The following ZSWIM3 variants were observed in gnomAD, a reference collection of about 807,000 sequenced individuals.
ZSWIM3 encodes zinc finger SWIM domain-containing protein 3.
Under a neutral mutation model 47.5 loss-of-function variants are expected in ZSWIM3, and 27 were observed. The observed-to-expected ratio is 0.57, with a 90% CI of 0.42 to 0.78. The LOEUF is 0.78. ZSWIM3 is among the 30% of genes least tolerant of loss of function. ZSWIM3 has a pLI of 0.00. For synonymous variants in ZSWIM3, 333 were observed against 333.9 expected (o/e 1.00, Z 0.03); for missense variants, 689 against 861.3 (o/e 0.80, Z 2.50).
chr20:45,876,130 C>T (rs1162729077), intron 1 of ZSWIM3, among the ~76,000 whole-genome samples: 4 of 151,468 alleles, frequency 2.6e-5, no homozygotes, highest in African/African-American at 9.7e-5. Flanking sequence ...GCAGCCTCCG[C>T]CTCCCGGGTT....
intron 1 of ZSWIM3, among the ~76,000 whole-genome samples, chr20:45,870,312 C>A (rs1985944810): frequency 6.6e-6 from 1 of 151,240 alleles, no homozygotes; most frequent in African/African-American, 2.4e-5. Flanking sequence ...TGCATTCCAA[C>A]CTGGGTGACA....
intron 1 of ZSWIM3, among the ~76,000 whole-genome samples, chr20:45,869,021 T>C (rs1985907587): frequency 1.3e-5 from 2 of 151,670 alleles, no homozygotes; most frequent in South Asian, 4.2e-4. Flanking sequence ...AGGCTGGTCT[T>C]GAACTCCTGA....
At chr20:45,870,385 G>C (rs1304285306) in intron 1 of ZSWIM3, among the ~76,000 whole-genome samples, 2 of 151,392 alleles carry the variant, frequency 1.3e-5, no homozygotes, top group Admixed American at 1.3e-4. Context: ...TTCCTGTCAT[G>C]TTTCTTTGTC....
chr20:45,876,047 G>T (rs1202182263), intron 1 of ZSWIM3, among the ~76,000 whole-genome samples: 3 of 150,390 alleles, frequency 2.0e-5, no homozygotes, highest in African/African-American at 7.4e-5. Context: ...TTGTTTTTTT[G>T]TTTTTTTGTT....
At chr20:45,870,199 G>A (rs952746396) in intron 1 of ZSWIM3, among the ~76,000 whole-genome samples, 4 of 151,784 alleles carry the variant, frequency 2.6e-5, no homozygotes, top group Admixed American at 6.6e-5. Context: ...AAAATTAGCC[G>A]GGCACGGTAG....
intron 1 of ZSWIM3, among the ~76,000 whole-genome samples, chr20:45,858,271 T>G (rs1432341456): frequency 6.6e-6 from 1 of 152,264 alleles, no homozygotes; most frequent in Non-Finnish European, 1.5e-5. Flanking sequence ...ATACAAAGTA[T>G]GGCTTTCATA....
intron 1 of ZSWIM3, among the ~76,000 whole-genome samples, chr20:45,875,321 C>A (rs1047216983): frequency 6.6e-6 from 1 of 151,902 alleles, no homozygotes; most frequent in African/African-American, 2.4e-5. Context: ...GGATTACAGG[C>A]GTGAGCCACT....
intron 1 of ZSWIM3, among the ~76,000 whole-genome samples, chr20:45,871,636 T>A (rs959065349): frequency 6.7e-6 from 1 of 150,082 alleles, no homozygotes; most frequent in African/African-American, 2.5e-5. Context: ...GTCTCTACTC[T>A]CAAAGTCTAG....
At position 45,878,629 on chromosome 20, in the gene ZSWIM3, A is replaced by T; in HGVS notation, c.2071A>T (p.Thr691Ser). Residue 691 changes from threonine (T) to serine (S), a missense_variant, in exon 2 of 2, where the codon ACA becomes TCA. Transcript: ENST00000255152. ...AGAAGGGGAGGGATTCCCTCCTGCT[A>T]CAGCTGTGATGCATTATTGAAGCAC... ...QEEGEGFPPA[T>S]AVMHY The T allele has an allele frequency of 6.2e-7, 1 of 1,610,654 alleles. No homozygotes were observed.
intron 1 of ZSWIM3, among the ~76,000 whole-genome samples, chr20:45,864,524 CAT>C (rs567237172): frequency 8.7e-4 from 132 of 152,314 alleles, no homozygotes; most frequent in African/African-American, 3.1e-3. Context: ...AAAATGTAGA[CAT>C]AAAGTTCCTT....
intron 1 of ZSWIM3, among the ~76,000 whole-genome samples, chr20:45,864,079 C>T (rs1300644126): frequency 1.3e-5 from 2 of 152,172 alleles, no homozygotes; most frequent in African/African-American, 4.8e-5. Context: ...AGCCACTGGG[C>T]TCTAATAGTT....
At chr20:45,867,516 C>A (rs1034462438) in intron 1 of ZSWIM3, among the ~76,000 whole-genome samples, 7 of 152,158 alleles carry the variant, frequency 4.6e-5, no homozygotes, top group African/African-American at 1.7e-4. Context: ...CTGAATTATG[C>A]TGACAAGGAT....
intron 1 of ZSWIM3, among the ~76,000 whole-genome samples, chr20:45,862,059 T>G (rs1985721505): frequency 6.6e-6 from 1 of 151,962 alleles, no homozygotes; most frequent in Non-Finnish European, 1.5e-5. Context: ...GTTTTTGTGT[T>G]TGAGTGGTTA....
Position 45,878,766 on chromosome 20 carries a change from A to G in ZSWIM3, c.*117A>G. The stretch of plus-strand genomic sequence containing the variant: ...AGCCAATGTCTTCCTAGGTGGGGCT[A>G]GGAATATTGTTACAGTAGAGAGGAA... On this transcript the variant is annotated 3_prime_UTR_variant, in exon 2 of 2. Transcript: ENST00000255152. The G allele has an allele frequency of 7.5e-7, 1 of 1,325,502 alleles. No homozygotes were observed. The highest frequency in any genetic ancestry group is 1.0e-6 in the Non-Finnish European group (1 of 984,600). 82.1% of individuals were successfully genotyped at this position (1,325,502 alleles called of 1,614,324 possible).
At chr20:45,868,365 A>G (rs1240541927) in intron 1 of ZSWIM3, among the ~76,000 whole-genome samples, 1 of 152,172 alleles carries the variant, frequency 6.6e-6, no homozygotes, top group Non-Finnish European at 1.5e-5. Flanking sequence ...TTTTGGCAAA[A>G]CCATCTTTTG....
intron 1 of ZSWIM3, among the ~76,000 whole-genome samples, chr20:45,870,271 C>A (rs1272020989): frequency 6.6e-6 from 1 of 151,252 alleles, no homozygotes; most frequent in Non-Finnish European, 1.5e-5. Context: ...ACCCGGGAGG[C>A]GGAGGTTGCA....
chr20:45,874,260 T>G (rs1037922131), intron 1 of ZSWIM3, among the ~76,000 whole-genome samples: 2 of 152,102 alleles, frequency 1.3e-5, no homozygotes, highest in Non-Finnish European at 2.9e-5. Context: ...GCCTGTAATC[T>G]CAGCACTTTG....
intron 1 of ZSWIM3, among the ~76,000 whole-genome samples, chr20:45,870,905 G>C (rs773965604): frequency 6.6e-6 from 1 of 152,048 alleles, no homozygotes; most frequent in Admixed American, 6.6e-5. Flanking sequence ...ATGTTGGCCA[G>C]GCTGGTCATG....
Position 45,857,996 on chromosome 20 carries a change from G to A in ZSWIM3, c.155+16G>A, listed in dbSNP as rs1270469641. On this transcript the variant is annotated intron_variant, in intron 1 of 1. Coordinates refer to ENST00000255152, the MANE Select transcript of ZSWIM3 (RefSeq NM_080752.4). Reference sequence around the variant, plus strand: ...AAGACATCCTGTAAGGGCGGGCGGGGCGGGGCGGGCCAAGAGGGTGGGGAG... The same window carrying A: ...AAGACATCCTGTAAGGGCGGGCGGGACGGGGCGGGCCAAGAGGGTGGGGAG... 6.9e-6 allele frequency: 6 copies of A among 864,846 alleles called. No homozygotes were observed. Among genetic ancestry groups the A allele is most frequent in the Non-Finnish European group, 1.1e-5 (6 of 547,180 alleles). 53.6% of individuals were successfully genotyped at this position (864,846 alleles called of 1,614,324 possible).
Sources: allele counts gnomAD v4.1 joint callset (sites outside exome capture counted in the v4.1 genomes callset), GRCh38; gene constraint gnomAD v4.1.1; transcripts MANE v1.5; gene names NCBI Gene and HGNC (gene_info 2026-07-23, HGNC 2026-07-21).